Variants in LGSN observed in about 807,000 individuals in gnomAD.
LGSN encodes the protein lengsin.
Under a neutral mutation model 19.5 loss-of-function variants are expected in LGSN, and 21 were observed. That is an observed-to-expected ratio of 1.07 (90% CI 0.76 to 1.55). The LOEUF is 1.55. Ranked by LOEUF, LGSN falls within the 40% of genes most tolerant of loss-of-function variation. LGSN has a pLI of 0.00. For missense variants in LGSN, 673 were observed against 608.5 expected (o/e 1.11, Z -1.12); for synonymous variants, 257 against 215.6 (o/e 1.19, Z -1.68).
At chr6:63,341,753 T>C in the LGSN span, among the ~76,000 whole-genome samples, 448 of 152,268 alleles carry the variant, frequency 2.9e-3, 3 homozygotes, top group African/African-American at 0.01. Flanking sequence ...TTTTTTTTCT[T>C]CCTAACATCT....
At chr6:63,391,901 G>A in the LGSN span, among the ~76,000 whole-genome samples, 1 of 152,214 alleles carries the variant, frequency 6.6e-6, no homozygotes, top group Non-Finnish European at 1.5e-5. Flanking sequence ...AGCATGGGTT[G>A]ACGCACAGAG....
chr6:63,484,879 A>G, the LGSN span, among the ~76,000 whole-genome samples: 81,514 of 152,096 alleles, frequency 0.54, 23,682 homozygotes, highest in African/African-American at 0.77. Context: ...TGTTAGAACC[A>G]AAGTGCTAAG....
chr6:63,450,715 C>T, the LGSN span, among the ~76,000 whole-genome samples: 1 of 151,450 alleles, frequency 6.6e-6, no homozygotes, highest in East Asian at 1.9e-4. Context: ...CTCTGTGGCC[C>T]AGACTGGAGT....
the LGSN span, among the ~76,000 whole-genome samples, chr6:63,525,125 A>T: frequency 6.6e-6 from 1 of 152,210 alleles, no homozygotes; most frequent in African/African-American, 2.4e-5. Context: ...TCAAAGGTGA[A>T]GATTTCTAAG....
At chr6:63,487,727 T>A in the LGSN span, among the ~76,000 whole-genome samples, 2 of 152,160 alleles carry the variant, frequency 1.3e-5, no homozygotes, top group Non-Finnish European at 2.9e-5. Flanking sequence ...ACGCCTGTAA[T>A]CCCAACACTT....
At chr6:63,466,207 C>A in the LGSN span, among the ~76,000 whole-genome samples, 1,085 of 152,262 alleles carry the variant, frequency 7.1e-3, 9 homozygotes, top group African/African-American at 0.025. Flanking sequence ...GCCAAGACTG[C>A]CTCTTAATCA....
chr6:63,337,755 G>C, the LGSN span, among the ~76,000 whole-genome samples: 1 of 151,976 alleles, frequency 6.6e-6, no homozygotes, highest in Non-Finnish European at 1.5e-5. Flanking sequence ...AGTGAGCCAT[G>C]GTTGCACCAC....
rs1174072062 is a variant in LGSN, at chr6:63,276,662, CA to C, written c.*3358del. Reference sequence around the variant, plus strand: ...TTATTTATGTTCTGCTTAAGATACACAGATCCAAAACTCTTTCATTGTCTGC... The same window carrying C: ...TTATTTATGTTCTGCTTAAGATACACGATCCAAAACTCTTTCATTGTCTGC... On this transcript the variant is annotated 3_prime_UTR_variant, in exon 4 of 4. Transcript: ENST00000370657. 6.6e-6 allele frequency: 1 copy of C among 152,160 alleles called. No homozygotes were observed. The highest frequency in any genetic ancestry group is 1.5e-5 in the Non-Finnish European group (1 of 68,028). 9.4% of individuals were successfully genotyped at this position (152,160 alleles called of 1,614,324 possible).
the LGSN span, among the ~76,000 whole-genome samples, chr6:63,549,817 G>A: frequency 6.6e-6 from 1 of 152,100 alleles, no homozygotes; most frequent in South Asian, 2.1e-4. Context: ...GAAGGGTAGA[G>A]GGAAGAGGAA....
chr6:63,419,369 G>C, the LGSN span, among the ~76,000 whole-genome samples: 2 of 152,110 alleles, frequency 1.3e-5, no homozygotes, highest in Admixed American at 6.5e-5. Context: ...CGATTACGAA[G>C]GCTTTACCTA....
chr6:63,428,675 G>C, the LGSN span, among the ~76,000 whole-genome samples: 1 of 152,282 alleles, frequency 6.6e-6, no homozygotes, highest in East Asian at 1.9e-4. Context: ...TAAATGAGCA[G>C]GACATTCCAG....
the LGSN span, among the ~76,000 whole-genome samples, chr6:63,376,950 G>C: frequency 0.12 from 18,349 of 152,138 alleles, 2,429 homozygotes; most frequent in African/African-American, 0.33. Context: ...GAAAAATATA[G>C]TATTTGAAGT....
At chr6:63,339,325 T>C in the LGSN span, among the ~76,000 whole-genome samples, 1 of 152,230 alleles carries the variant, frequency 6.6e-6, no homozygotes, top group Admixed American at 6.5e-5. Flanking sequence ...TTAGTGCTAA[T>C]AATCTTTGCT....
the LGSN span, among the ~76,000 whole-genome samples, chr6:63,439,050 T>C: frequency 6.6e-6 from 1 of 152,204 alleles, no homozygotes; most frequent in Non-Finnish European, 1.5e-5. Context: ...TCATATCCTT[T>C]GTAGGGACAT....
At chr6:63,365,772 G>T in the LGSN span, among the ~76,000 whole-genome samples, 4 of 152,184 alleles carry the variant, frequency 2.6e-5, no homozygotes, top group Non-Finnish European at 5.9e-5. Flanking sequence ...GGGATGCAAG[G>T]CTGGTTCAAC....
chr6:63,434,628 A>G, the LGSN span, among the ~76,000 whole-genome samples: 1 of 151,036 alleles, frequency 6.6e-6, no homozygotes, highest in Non-Finnish European at 1.5e-5. Context: ...AAAAAAAGAA[A>G]GAAAGAAAGA....
chr6:63,331,783 T>C, the LGSN span, among the ~76,000 whole-genome samples: 448 of 152,260 alleles, frequency 2.9e-3, 3 homozygotes, highest in African/African-American at 0.01. Context: ...CCCTTACTGA[T>C]GCATCCTTGA....
At chr6:63,549,225 A>G in the LGSN span, 2 of 726,640 alleles carry the variant, frequency 2.8e-6, no homozygotes, top group East Asian at 2.5e-5. Flanking sequence ...CAGCTGAAGT[A>G]GCAGAGCAGC....
chr6:63,439,947 T>C, the LGSN span, among the ~76,000 whole-genome samples: 2 of 152,230 alleles, frequency 1.3e-5, no homozygotes, highest in Non-Finnish European at 2.9e-5. Flanking sequence ...CTCTGCCTTT[T>C]TGTTCATTGT....
Sources: gnomAD v4.1 joint callset for allele counts (sites outside exome capture counted in the v4.1 genomes callset) on GRCh38, gnomAD v4.1.1 for gene constraint, MANE v1.5 for transcripts, NCBI Gene and HGNC (gene_info 2026-07-23, HGNC 2026-07-21) for gene names.